The following ERP44 variants were observed in gnomAD, a reference collection of about 807,000 sequenced individuals.
The protein encoded by ERP44 is endoplasmic reticulum protein 44.
In ERP44, 25 loss-of-function variants were observed where a neutral mutation model predicts 53.4. The ratio of observed to expected loss-of-function variants is 0.47; its 90% CI spans 0.34 to 0.65. The LOEUF (loss-of-function observed/expected upper bound fraction) is 0.65, where lower values mean the gene tolerates loss of function less well. Among genes scored for constraint, ERP44 ranks in the 30% least tolerant of loss-of-function variants. The probability of loss-of-function intolerance (pLI) is 0.01; values close to 1 mark genes in which losing one functional copy is unlikely to be tolerated. For synonymous variants in ERP44, 145 were observed against 161.2 expected, an observed-to-expected ratio of 0.90 and a Z score of 0.76; for missense variants, 338 against 493.2, an observed-to-expected ratio of 0.69 and a Z score of 2.98.
intron 1 of ERP44, among the ~76,000 whole-genome samples, chr9:100,062,909 C>T (rs1029232774): frequency 6.6e-6 from 1 of 151,318 alleles, no homozygotes; most frequent in Non-Finnish European, 1.5e-5. Flanking sequence ...CCTGTCTCTA[C>T]AAAAAACTTA....
intron 1 of ERP44, among the ~76,000 whole-genome samples, chr9:100,063,118 T>A (rs1359624239): frequency 2.5e-5 from 3 of 120,910 alleles, no homozygotes; most frequent in Non-Finnish European, 1.8e-5. Context: ...GAAATTGATT[T>A]TACCTTGAAA....
At chr9:99,993,016 A>G (rs1441831845) in intron 10 of ERP44, among the ~76,000 whole-genome samples, 2 of 152,238 alleles carry the variant, frequency 1.3e-5, no homozygotes, top group African/African-American at 4.8e-5. Context: ...TTAAAAGAGG[A>G]CGCAAACAAA....
At chr9:99,997,311 A>G (rs192738635) in intron 10 of ERP44, among the ~76,000 whole-genome samples, 1 of 152,082 alleles carries the variant, frequency 6.6e-6, no homozygotes, top group Non-Finnish European at 1.5e-5. Flanking sequence ...ACTTTTTAAA[A>G]TTTTTTTATT....
At chr9:99,989,611 A>C (rs1268295858) in intron 10 of ERP44, among the ~76,000 whole-genome samples, 1 of 152,230 alleles carries the variant, frequency 6.6e-6, no homozygotes, top group Non-Finnish European at 1.5e-5. Flanking sequence ...AAAGCTGAAA[A>C]TTCTGAAAAC....
At chr9:100,060,720 T>G (rs1312939439) in intron 1 of ERP44, among the ~76,000 whole-genome samples, 1 of 152,218 alleles carries the variant, frequency 6.6e-6, no homozygotes, top group Non-Finnish European at 1.5e-5. Flanking sequence ...GTTTTTGCAC[T>G]TTAATGAACC....
chr9:99,984,970 T>C lies in ERP44; in HGVS notation c.1116A>G (p.Gly372=), dbSNP rs937037698. The change falls in exon 11 of 12, where the codon GGA becomes GGG. Residue 372 remains glycine (G), a synonymous_variant. Transcript: ENST00000262455. ...GAAAAATAAACAGGAGTCCTACCTC[T>C]CCTGGGGCTGTATCAGTTGGGTCAG... The part of the protein sequence containing the change: ...HGPDPTDTAP[G]EQAQDVASSP... The C allele has an allele frequency of 1.9e-6, 3 of 1,602,796 alleles. No individual in the cohort carries two copies. Among genetic ancestry groups the C allele is most frequent in the African/African-American group, 2.7e-5 (2 of 74,712 alleles).
intron 10 of ERP44, among the ~76,000 whole-genome samples, chr9:99,989,153 G>A (rs562859461): frequency 1.1e-4 from 17 of 152,328 alleles, no homozygotes; most frequent in Middle Eastern, 3.4e-3. Flanking sequence ...AGACTTAAAC[G>A]TCCTTGTCTG....
chr9:100,098,255 C>G (rs1826674283), intron 1 of ERP44, among the ~76,000 whole-genome samples: 1 of 152,228 alleles, frequency 6.6e-6, no homozygotes, highest in South Asian at 2.1e-4. Flanking sequence ...CCTTCAAACT[C>G]TATTCTCCCA....
chr9:99,986,654 G>A (rs1205775739), intron 10 of ERP44, among the ~76,000 whole-genome samples: 2 of 152,080 alleles, frequency 1.3e-5, no homozygotes, highest in African/African-American at 4.8e-5. Flanking sequence ...AACTCCCACT[G>A]AGATGTACCA....
At chr9:100,045,773 T>A (rs1227028750) in intron 4 of ERP44, among the ~76,000 whole-genome samples, 1 of 152,136 alleles carries the variant, frequency 6.6e-6, no homozygotes, top group African/African-American at 2.4e-5. Context: ...TACGTGGGCA[T>A]GATGATATCT....
At chr9:100,087,719 T>C (rs1199788928) in intron 1 of ERP44, among the ~76,000 whole-genome samples, 1 of 152,192 alleles carries the variant, frequency 6.6e-6, no homozygotes, top group Non-Finnish European at 1.5e-5. Flanking sequence ...AAGCATGTGG[T>C]ATCTTTTCTT....
intron 11 of ERP44, among the ~76,000 whole-genome samples, chr9:99,983,877 C>T (rs1830173098): frequency 6.6e-6 from 1 of 152,066 alleles, no homozygotes; most frequent in South Asian, 2.1e-4. Flanking sequence ...TATTTGGTGC[C>T]CTCTGTTAGT....
chr9:99,999,127 C>G, intron 10 of ERP44: 1 of 612,656 alleles, frequency 1.6e-6, no homozygotes, highest in Non-Finnish European at 3.0e-6. Flanking sequence ...GCACCTGAGG[C>G]ACAGTGTACC....
In ERP44 at chr9:100,078,752, T is replaced by C. The variant is rs181331651; in HGVS notation, c.58-18580A>G. 1.3e-4 allele frequency among the ~76,000 whole-genome samples: 20 copies of C among 151,328 alleles called. No homozygotes were observed. The East Asian group carries it at 3.9e-3, about 29-fold the overall frequency. On this transcript the variant is annotated intron_variant, in intron 1 of 11. Coordinates refer to ENST00000262455, the MANE Select transcript of ERP44 (RefSeq NM_015051.3). ...CCTGGGTGACGAGCAAGACTTCATC[T>C]CAAAAAACAAAAAAAGAAAAAAAAA... is the stretch of plus-strand genomic sequence containing the variant.
intron 10 of ERP44, among the ~76,000 whole-genome samples, chr9:99,997,084 T>C (rs1461639143): frequency 6.6e-6 from 1 of 152,162 alleles, no homozygotes; most frequent in African/African-American, 2.4e-5. Context: ...GATCTTGCAA[T>C]TGTGAATTGT....
chr9:100,068,487 T>G (rs1394948780), intron 1 of ERP44, among the ~76,000 whole-genome samples: 3 of 125,296 alleles, frequency 2.4e-5, no homozygotes, highest in Non-Finnish European at 3.4e-5. Context: ...GGAGCCCCTC[T>G]GCCCGGCCAG....
intron 5 of ERP44, among the ~76,000 whole-genome samples, chr9:100,021,639 A>G (rs1830590918): frequency 6.6e-6 from 1 of 152,220 alleles, no homozygotes; most frequent in Non-Finnish European, 1.5e-5. Flanking sequence ...TAAACTTATT[A>G]TTAAGAAGAG....
In ERP44 at chr9:99,984,967, C is replaced by T; in HGVS notation, c.1119G>A (p.Glu373=). The T allele has an allele frequency of 6.3e-7, 1 of 1,592,250 alleles. No homozygotes were observed. The highest frequency in any genetic ancestry group is 8.6e-7 in the Non-Finnish European group (1 of 1,161,992). ...GPDPTDTAPG[E]QAQDVASSPP... ...ATTGAAAAATAAACAGGAGTCCTAC[C>T]TCTCCTGGGGCTGTATCAGTTGGGT... Residue 373 remains glutamate, a splice_region_variant and synonymous_variant, in exon 11 of 12, where the codon GAG becomes GAA. Transcript: ENST00000262455.
intron 1 of ERP44, among the ~76,000 whole-genome samples, chr9:100,079,098 T>C (rs1023793785): frequency 5.9e-5 from 9 of 152,184 alleles, no homozygotes; most frequent in East Asian, 1.9e-4. Context: ...TGTGATGGTG[T>C]TGCCAAAGGA....
Sources: gnomAD v4.1 joint callset for allele counts (sites outside exome capture counted in the v4.1 genomes callset) on GRCh38, gnomAD v4.1.1 for gene constraint, MANE v1.5 for transcripts, NCBI Gene and HGNC (gene_info 2026-07-23, HGNC 2026-07-21) for gene names.